The following BRINP1 variants were observed in gnomAD, a reference collection of about 807,000 sequenced individuals.
The protein encoded by BRINP1 is BMP/retinoic acid inducible neural specific 1, also known as BMP/retinoic acid-inducible neural-specific protein 1.
In BRINP1, 17 loss-of-function variants were observed where a neutral mutation model predicts 72.9. The observed-to-expected ratio is 0.23, with a 90% confidence interval of 0.16 to 0.35. BRINP1 has a LOEUF of 0.35. Ranked by LOEUF, BRINP1 falls within the 10% of genes least tolerant of loss-of-function variation. BRINP1 has a pLI of 1.00. For synonymous variants in BRINP1, 418 were observed against 378.5 expected, an observed-to-expected ratio of 1.10 and a Z score of -1.21; for missense variants, 850 against 1,001.6, an observed-to-expected ratio of 0.85 and a Z score of 2.04.
At chr9:119,358,000 C>T (rs143021871) in intron 1 of BRINP1, among the ~76,000 whole-genome samples, 1 of 152,188 alleles carries the variant, frequency 6.6e-6, no homozygotes, top group Non-Finnish European at 1.5e-5. Flanking sequence ...GGGCTTAGAA[C>T]CTGATGCTCT....
chr9:119,343,188 C>T (rs1267195460), intron 1 of BRINP1, among the ~76,000 whole-genome samples: 1 of 152,140 alleles, frequency 6.6e-6, no homozygotes, highest in Non-Finnish European at 1.5e-5. Flanking sequence ...ATGTGACCCA[C>T]CAGGTGTGAC....
At chr9:119,330,798 CG>C (rs200628179) in intron 1 of BRINP1, among the ~76,000 whole-genome samples, 1,527 of 152,080 alleles carry the variant, frequency 0.01, 25 homozygotes, top group African/African-American at 0.036. Flanking sequence ...GAGGCTGAGG[CG>C]GGGGGATCAC....
chr9:119,191,600 A>C (rs534585816), intron 7 of BRINP1, among the ~76,000 whole-genome samples: 2 of 152,036 alleles, frequency 1.3e-5, no homozygotes, highest in Non-Finnish European at 2.9e-5. Context: ...ACAAAACATT[A>C]AAGAAATTAA....
At chr9:119,204,929 A>G (rs1267828912) in intron 7 of BRINP1, among the ~76,000 whole-genome samples, 2 of 152,204 alleles carry the variant, frequency 1.3e-5, no homozygotes, top group Non-Finnish European at 2.9e-5. Context: ...TTGTGAGACA[A>G]GTAAACATCT....
chr9:119,311,842 G>T (rs1831072270), intron 2 of BRINP1, among the ~76,000 whole-genome samples: 1 of 152,310 alleles, frequency 6.6e-6, no homozygotes, highest in South Asian at 2.1e-4. Flanking sequence ...AGCTATACCA[G>T]GGGAGGCATC....
chr9:119,272,522 G>T (rs1231251153), intron 2 of BRINP1, among the ~76,000 whole-genome samples: 1 of 152,152 alleles, frequency 6.6e-6, no homozygotes, highest in Admixed American at 6.5e-5. Context: ...CCCCTAGAAC[G>T]CTGGGAAGAA....
chr9:119,289,896 G>C (rs868449317), intron 2 of BRINP1, among the ~76,000 whole-genome samples: 1 of 152,124 alleles, frequency 6.6e-6, no homozygotes, highest in African/African-American at 2.4e-5. Flanking sequence ...TCCCTAGTCC[G>C]AGTCATTATT....
intron 1 of BRINP1, among the ~76,000 whole-genome samples, chr9:119,322,235 G>A (rs1831196571): frequency 6.6e-6 from 1 of 152,158 alleles, no homozygotes; most frequent in Admixed American, 6.5e-5. Flanking sequence ...TGAAAGAGAG[G>A]CTGGTTCTAT....
chr9:119,208,531 T>A (rs1012598034), intron 7 of BRINP1, among the ~76,000 whole-genome samples, 188 bp downstream of exon 7: 2 of 151,994 alleles, frequency 1.3e-5, no homozygotes, highest in African/African-American at 4.8e-5. Flanking sequence ...CAATGTGGAA[T>A]CTGAAACAAT....
chr9:119,262,353 G>T (rs1020482222), intron 2 of BRINP1, among the ~76,000 whole-genome samples: 21 of 152,194 alleles, frequency 1.4e-4, no homozygotes, highest in African/African-American at 4.6e-4. Flanking sequence ...AAAAGCTGAG[G>T]CCAGGCGCGG....
intron 7 of BRINP1, among the ~76,000 whole-genome samples, chr9:119,174,209 C>T (rs1216636009): frequency 6.7e-6 from 1 of 149,194 alleles, no homozygotes; most frequent in Non-Finnish European, 1.5e-5. Context: ...ATTTTTGCAA[C>T]CTACTCATCT....
At chr9:119,310,334 G>A (rs1831048274) in intron 2 of BRINP1, among the ~76,000 whole-genome samples, 1 of 152,162 alleles carries the variant, frequency 6.6e-6, no homozygotes, top group African/African-American at 2.4e-5. Context: ...TCAAGTTTGT[G>A]AGTGACAGAG....
chr9:119,332,650 G>A (rs1831310969), intron 1 of BRINP1, among the ~76,000 whole-genome samples: 2 of 152,190 alleles, frequency 1.3e-5, no homozygotes, highest in African/African-American at 4.8e-5. Context: ...TGATATTTCA[G>A]AGGGAGGATG....
intron 5 of BRINP1, among the ~76,000 whole-genome samples, chr9:119,219,665 GAGAGAGAGAGAGA>G (rs1830018024): frequency 8.7e-6 from 1 of 114,630 alleles, no homozygotes; most frequent in African/African-American, 4.7e-5. Context: ...GAGAGAGAGA[GAGAGAGAGAGAGA>G]GAGAGAGAGA....
At chr9:119,285,899 C>T (rs1288570162) in intron 2 of BRINP1, among the ~76,000 whole-genome samples, 1 of 152,056 alleles carries the variant, frequency 6.6e-6, no homozygotes, top group Non-Finnish European at 1.5e-5. Context: ...AACTGAGATC[C>T]AACTTATACC....
intron 3 of BRINP1, 40 bp downstream of exon 3, chr9:119,248,920 A>G (rs1382628203): frequency 6.4e-7 from 1 of 1,568,086 alleles, no homozygotes; most frequent in African/African-American, 1.4e-5. Context: ...CCCAAACCCA[A>G]AGTCATGAGA....
At chr9:119,191,004 G>A (rs2118849514) in intron 7 of BRINP1, among the ~76,000 whole-genome samples, 1 of 152,044 alleles carries the variant, frequency 6.6e-6, no homozygotes, top group African/African-American at 2.4e-5. Context: ...TAAGTGTCAT[G>A]TATCACATTA....
At chr9:119,353,504 C>T (rs1448984181) in intron 1 of BRINP1, among the ~76,000 whole-genome samples, 1 of 152,184 alleles carries the variant, frequency 6.6e-6, no homozygotes, top group Non-Finnish European at 1.5e-5. Flanking sequence ...AACTCCAACT[C>T]TGTGGTCTCA....
intron 5 of BRINP1, among the ~76,000 whole-genome samples, chr9:119,220,617 CA>C (rs201690872): frequency 4.1e-5 from 6 of 147,432 alleles, no homozygotes; most frequent in South Asian, 2.1e-4. Flanking sequence ...AAAACTAAAG[CA>C]AAAAAAAAAT....
Sources: allele counts gnomAD v4.1 joint callset (sites outside exome capture counted in the v4.1 genomes callset), GRCh38; gene constraint gnomAD v4.1.1; transcripts MANE v1.5; gene names NCBI Gene and HGNC (gene_info 2026-07-23, HGNC 2026-07-21).